The following CCSER1 variants were observed in gnomAD, a reference collection of about 807,000 sequenced individuals.
CCSER1 encodes coiled-coil serine rich protein 1.
In CCSER1, 41 loss-of-function variants were observed where a neutral mutation model predicts 82.0. That is an observed-to-expected ratio of 0.50 (90% CI 0.39 to 0.65). CCSER1 has a LOEUF of 0.65. CCSER1 is among the 30% of genes least tolerant of loss of function. CCSER1 has a pLI of 0.00. For missense variants in CCSER1, 1,119 were observed against 1,064.2 expected, an observed-to-expected ratio of 1.05 and a Z score of -0.72; for synonymous variants, 414 against 383.9, an observed-to-expected ratio of 1.08 and a Z score of -0.92.
chr4:90,875,261 GT>G (rs961736910), intron 8 of CCSER1, among the ~76,000 whole-genome samples: 13 of 152,194 alleles, frequency 8.5e-5, no homozygotes, highest in African/African-American at 3.1e-4. Context: ...ATATCATCTT[GT>G]TTTGGTGGCT....
At chr4:91,246,901 T>G (rs1236526293) in intron 10 of CCSER1, among the ~76,000 whole-genome samples, 3 of 151,646 alleles carry the variant, frequency 2.0e-5, no homozygotes, top group Admixed American at 2.0e-4. Flanking sequence ...ATATTTGCAT[T>G]AGGGCCATAC....
At chr4:91,551,875 G>A (rs1762176843) in intron 10 of CCSER1, among the ~76,000 whole-genome samples, 1 of 151,522 alleles carries the variant, frequency 6.6e-6, no homozygotes, top group African/African-American at 2.4e-5. Flanking sequence ...CTTTTAGTGT[G>A]CTGACAAACA....
chr4:90,338,001 G>T (rs995950539), intron 3 of CCSER1, among the ~76,000 whole-genome samples: 1 of 152,170 alleles, frequency 6.6e-6, no homozygotes, highest in Non-Finnish European at 1.5e-5. Context: ...TCACAGTTTA[G>T]TTGAAGGCAG....
intron 7 of CCSER1, among the ~76,000 whole-genome samples, chr4:90,796,213 A>C (rs758115278): frequency 8.1e-5 from 12 of 148,228 alleles, no homozygotes; most frequent in Non-Finnish European, 1.2e-4. Context: ...TCCCGTGCTC[A>C]GTATTGGGAG....
At chr4:90,753,379 T>G (rs1471674564) in intron 7 of CCSER1, among the ~76,000 whole-genome samples, 1 of 152,062 alleles carries the variant, frequency 6.6e-6, no homozygotes, top group Non-Finnish European at 1.5e-5. Context: ...AAAATAAATT[T>G]TATGTCAAAG....
intron 5 of CCSER1, among the ~76,000 whole-genome samples, chr4:90,618,612 T>G (rs1380650996): frequency 3.3e-5 from 5 of 151,968 alleles, no homozygotes; most frequent in African/African-American, 1.2e-4. Context: ...TCAAATTTAT[T>G]ACATGATATG....
chr4:91,090,883 C>G (rs1446671146), intron 10 of CCSER1, among the ~76,000 whole-genome samples: 1 of 152,106 alleles, frequency 6.6e-6, no homozygotes, highest in East Asian at 1.9e-4. Flanking sequence ...CCATCAATGC[C>G]TGGAGATACG....
intron 3 of CCSER1, among the ~76,000 whole-genome samples, chr4:90,326,151 C>T (rs551936953): frequency 1.9e-4 from 29 of 151,018 alleles, no homozygotes; most frequent in Non-Finnish European, 3.1e-4. Context: ...CTCCGCCTCC[C>T]AGGTTCAGGC....
At chr4:91,579,054 T>A (rs1429249627) in intron 10 of CCSER1, among the ~76,000 whole-genome samples, 1 of 151,768 alleles carries the variant, frequency 6.6e-6, no homozygotes, top group Non-Finnish European at 1.5e-5. Flanking sequence ...ATACACACCA[T>A]CCTTGCATCG....
At chr4:91,270,204 A>C (rs1236206283) in intron 10 of CCSER1, among the ~76,000 whole-genome samples, 1 of 152,162 alleles carries the variant, frequency 6.6e-6, no homozygotes, top group African/African-American at 2.4e-5. Context: ...TTCCATGTCT[A>C]ACACTGTTTT....
chr4:91,235,643 C>T (rs1273117500), intron 10 of CCSER1, among the ~76,000 whole-genome samples: 1 of 151,904 alleles, frequency 6.6e-6, no homozygotes, highest in Non-Finnish European at 1.5e-5. Context: ...CAAAATAGGG[C>T]AGCCTCATTT....
At chr4:90,291,242 A>C (rs1046992098) in intron 1 of CCSER1, among the ~76,000 whole-genome samples, 5 of 152,044 alleles carry the variant, frequency 3.3e-5, no homozygotes, top group African/African-American at 1.2e-4. Flanking sequence ...ATGTTAGTGC[A>C]GCTACTATTT....
At chr4:90,186,542 A>G (rs909011587) in intron 1 of CCSER1, among the ~76,000 whole-genome samples, 4 of 152,022 alleles carry the variant, frequency 2.6e-5, no homozygotes, top group African/African-American at 7.2e-5. Flanking sequence ...TTCTCAGTAC[A>G]GAGAACAAAG....
At chr4:90,865,455 A>G (rs1406635661) in intron 8 of CCSER1, among the ~76,000 whole-genome samples, 1 of 151,954 alleles carries the variant, frequency 6.6e-6, no homozygotes, top group Non-Finnish European at 1.5e-5. Flanking sequence ...TTAGAAAGTC[A>G]TGTTTTTTTA....
chr4:91,472,641 T>C (rs940920115), intron 10 of CCSER1, among the ~76,000 whole-genome samples: 12 of 152,334 alleles, frequency 7.9e-5, no homozygotes, highest in African/African-American at 2.9e-4. Flanking sequence ...TTGTAATATT[T>C]GTTACTAGTA....
chr4:91,352,294 A>G (rs1472965390), intron 10 of CCSER1, among the ~76,000 whole-genome samples: 1 of 152,202 alleles, frequency 6.6e-6, no homozygotes, highest in Non-Finnish European at 1.5e-5. Context: ...TCTGTCACCC[A>G]GGAGTGCAGT....
chr4:90,474,898 T>C (rs1331584183), intron 5 of CCSER1, among the ~76,000 whole-genome samples: 1 of 152,168 alleles, frequency 6.6e-6, no homozygotes, highest in Admixed American at 6.5e-5. Flanking sequence ...TGAGAAATTA[T>C]CTTTATTACT....
intron 10 of CCSER1, among the ~76,000 whole-genome samples, chr4:91,595,071 A>C (rs1343748726): frequency 6.6e-6 from 1 of 152,004 alleles, no homozygotes; most frequent in Non-Finnish European, 1.5e-5. Flanking sequence ...CAAAACCAAA[A>C]AAACCTACTC....
At chr4:91,491,507 C>A (rs1230954388) in intron 10 of CCSER1, among the ~76,000 whole-genome samples, 1 of 151,980 alleles carries the variant, frequency 6.6e-6, no homozygotes, top group Non-Finnish European at 1.5e-5. Flanking sequence ...ACATGTAAAT[C>A]ATATTATTGT....
Sources: allele counts gnomAD v4.1 joint callset (sites outside exome capture counted in the v4.1 genomes callset), GRCh38; gene constraint gnomAD v4.1.1; transcripts MANE v1.5; gene names NCBI Gene and HGNC (gene_info 2026-07-23, HGNC 2026-07-21).